The following RPTOR variants were observed in gnomAD, a reference collection of about 807,000 sequenced individuals.
RPTOR encodes the protein regulatory-associated protein of mTOR.
A neutral mutation model predicts 169.9 loss-of-function variants in RPTOR; 21 were observed. The observed-to-expected ratio is 0.12, with a 90% CI of 0.09 to 0.18. The LOEUF (loss-of-function observed/expected upper bound fraction) is 0.18, where lower values mean the gene tolerates loss of function less well. Ranked by LOEUF, RPTOR falls within the 10% of genes least tolerant of loss-of-function variation. The pLI, the probability that RPTOR is intolerant of heterozygous loss-of-function variation, is 1.00. For synonymous variants in RPTOR, 732 were observed against 753.2 expected (o/e 0.97, Z 0.46); for missense variants, 1,133 against 1,855.9 (o/e 0.61, Z 7.16).
chr17:80,769,022 G>A (rs1407074674), intron 6 of RPTOR, among the ~76,000 whole-genome samples: 3 of 152,186 alleles, frequency 2.0e-5, no homozygotes, highest in Non-Finnish European at 2.9e-5. Flanking sequence ...TGCTGAGATC[G>A]AATCGATAAT....
At chr17:80,928,975 G>GTA (rs1567992531) in intron 24 of RPTOR, among the ~76,000 whole-genome samples, 1 of 152,128 alleles carries the variant, frequency 6.6e-6, no homozygotes, top group African/African-American at 2.4e-5. Context: ...TTAGAAAAGG[G>GTA]TATACCTGCA....
intron 6 of RPTOR, among the ~76,000 whole-genome samples, chr17:80,774,833 A>G (rs1204817501): frequency 1.3e-5 from 2 of 152,192 alleles, no homozygotes; most frequent in Non-Finnish European, 2.9e-5. Flanking sequence ...GAGGCTGCGG[A>G]CACAGTGTCT....
intron 3 of RPTOR, among the ~76,000 whole-genome samples, chr17:80,660,481 T>C (rs2065714082): frequency 6.6e-6 from 1 of 152,110 alleles, no homozygotes; most frequent in Non-Finnish European, 1.5e-5. Flanking sequence ...AAAAGTAGCA[T>C]CTGTTCTATA....
intron 4 of RPTOR, among the ~76,000 whole-genome samples, chr17:80,723,876 C>A (rs2066307845): frequency 6.6e-6 from 1 of 151,386 alleles, no homozygotes; most frequent in African/African-American, 2.5e-5. Flanking sequence ...CTGAATAACA[C>A]TGTTTTTTCT....
At chr17:80,634,690 TGTGC>T (rs1455046906) in intron 2 of RPTOR, among the ~76,000 whole-genome samples, 1,070 of 97,850 alleles carry the variant, frequency 0.011, 125 homozygotes, top group Non-Finnish European at 0.016. Flanking sequence ...GTGCGTACTG[TGTGC>T]GTGTGCGTAC....
Position 80,839,463 on chromosome 17 carries a change from C to T in RPTOR, c.1212+1466C>T, listed in dbSNP as rs902045891. On this transcript the variant is annotated intron_variant, in intron 10 of 33. Coordinates refer to ENST00000306801, the MANE Select transcript of RPTOR (RefSeq NM_020761.3). ...TTTTCAAGGGCATTGCAGACCGCCC[C>T]GCATTTTACACCGTGAGGCGGAAGC... Among the ~76,000 whole-genome samples, 7 of 152,228 alleles carry T rather than the reference C, an allele frequency of 4.6e-5. No individual in the cohort carries two copies. In the East Asian group the frequency reaches 7.7e-4, roughly 17 times the overall value.
At chr17:80,550,227 C>A (rs186613213) in intron 1 of RPTOR, among the ~76,000 whole-genome samples, 31 of 152,314 alleles carry the variant, frequency 2.0e-4, no homozygotes, top group Admixed American at 1.2e-3. Context: ...ATCTAAAGTT[C>A]TCTTCTCTGT....
chr17:80,600,827 T>A (rs2065179584), intron 1 of RPTOR, among the ~76,000 whole-genome samples: 1 of 151,846 alleles, frequency 6.6e-6, no homozygotes, highest in Non-Finnish European at 1.5e-5. Context: ...CAGATCGTAT[T>A]TTCCAGAGAT....
chr17:80,804,638 G>A (rs1478107589), intron 7 of RPTOR: 1 of 152,266 alleles, frequency 6.6e-6, no homozygotes. Context: ...TAGATGAAGT[G>A]ACTGAGTCTC....
intron 17 of RPTOR, among the ~76,000 whole-genome samples, chr17:80,891,457 G>A (rs1324169590): frequency 6.6e-6 from 1 of 152,208 alleles, no homozygotes; most frequent in Non-Finnish European, 1.5e-5. Context: ...CCCCCGATGC[G>A]TCGTGCGCCT....
At chr17:80,657,129 C>T (rs2065686245) in intron 3 of RPTOR, among the ~76,000 whole-genome samples, 2 of 152,160 alleles carry the variant, frequency 1.3e-5, no homozygotes. Flanking sequence ...GATAGAAATT[C>T]TTTACTTTTA....
At chr17:80,927,899 C>T (rs2068832285) in intron 24 of RPTOR, among the ~76,000 whole-genome samples, 1 of 152,070 alleles carries the variant, frequency 6.6e-6, no homozygotes, top group African/African-American at 2.4e-5. Flanking sequence ...GGGTGTCAGC[C>T]TTGTGGTCTG....
intron 1 of RPTOR, among the ~76,000 whole-genome samples, chr17:80,575,332 T>C (rs1275161370): frequency 6.6e-6 from 1 of 152,270 alleles, no homozygotes; most frequent in Non-Finnish European, 1.5e-5. Flanking sequence ...AATTATTCTC[T>C]AAATTTTATT....
chr17:80,643,841 C>T (rs781444369), intron 3 of RPTOR, 31 bp downstream of exon 3: 1 of 1,529,818 alleles, frequency 6.5e-7, no homozygotes, highest in Non-Finnish European at 9.0e-7. Flanking sequence ...CTTCCCTTTC[C>T]TTCTTACAGG....
intron 3 of RPTOR, among the ~76,000 whole-genome samples, chr17:80,668,267 A>G (rs2065795956): frequency 6.6e-6 from 1 of 152,124 alleles, no homozygotes; most frequent in South Asian, 2.1e-4. Context: ...ATAATCTCCA[A>G]GTTTCTTCCA....
intron 1 of RPTOR, among the ~76,000 whole-genome samples, chr17:80,593,079 C>T (rs1420068594): frequency 6.6e-6 from 1 of 152,140 alleles, no homozygotes; most frequent in African/African-American, 2.4e-5. Flanking sequence ...GAGGGACAGG[C>T]ACTAGTGGGA....
At chr17:80,634,855 AC>A (rs1207896435) in intron 2 of RPTOR, among the ~76,000 whole-genome samples, 1 of 91,410 alleles carries the variant, frequency 1.1e-5, no homozygotes, top group Non-Finnish European at 2.2e-5. Context: ...GTGTGTGCAT[AC>A]CGTGTGTGTG....
At chr17:80,595,273 C>T (rs561455847) in intron 1 of RPTOR, among the ~76,000 whole-genome samples, 4 of 152,332 alleles carry the variant, frequency 2.6e-5, no homozygotes, top group African/African-American at 9.6e-5. Flanking sequence ...AACCTTTACA[C>T]TAGCTCCAGC....
intron 3 of RPTOR, among the ~76,000 whole-genome samples, chr17:80,673,000 C>T (rs1302481322): frequency 2.6e-5 from 4 of 152,012 alleles, no homozygotes; most frequent in African/African-American, 9.7e-5. Flanking sequence ...AATCTTGGCT[C>T]ACTGCAACCT....
Sources: allele counts gnomAD v4.1 joint callset (sites outside exome capture counted in the v4.1 genomes callset), GRCh38; gene constraint gnomAD v4.1.1; transcripts MANE v1.5; gene names NCBI Gene and HGNC (gene_info 2026-07-23, HGNC 2026-07-21).